SLC41A1: variants seen among roughly 807,000 people sequenced by gnomAD.
The protein encoded by SLC41A1 is solute carrier family 41 (magnesium transporter), member 1.
A neutral mutation model predicts 47.3 loss-of-function variants in SLC41A1; 20 were observed. That is an observed-to-expected ratio of 0.42 (90% CI 0.30 to 0.61). The LOEUF is 0.61. Ranked by LOEUF, SLC41A1 falls within the 20% of genes least tolerant of loss-of-function variation. The pLI is 0.17. For missense variants in SLC41A1, 504 were observed against 674.1 expected (o/e 0.75, Z 2.79); for synonymous variants, 282 against 272.7 (o/e 1.03, Z -0.34).
chr1:205,810,365 T>A lies in SLC41A1; in HGVS notation c.77A>T (p.Asp26Val), dbSNP rs757266827. Residue 26 changes from aspartate (D) to valine (V), a missense_variant, in exon 2 of 11, where the codon GAT becomes GTT. Asp to Val is a radical substitution (Grantham distance 152). Around this residue, in one of 2 missense-constraint regions of SLC41A1, gnomAD observed 83 missense variants for 72.5 expected, o/e 1.15. Coordinates refer to ENST00000367137, the MANE Select transcript of SLC41A1 (RefSeq NM_173854.6). The surrounding 1 kb of genome is among the most constrained non-coding windows in gnomAD (Gnocchi z 5.5). ...AGCCAAGGGCTCTCTCCCTGGGCCATCTGAAGAGCAGGGAGAGGCAGAAGG... is the reference window on the plus strand; with the variant it reads ...AGCCAAGGGCTCTCTCCCTGGGCCAACTGAAGAGCAGGGAGAGGCAGAAGG... Reference protein sequence around the residue: ...TGPSASPCSSDGPGREPLAGT... With the variant: ...TGPSASPCSSVGPGREPLAGT... The A allele has an allele frequency of 4.0e-5, 64 of 1,614,036 alleles. No individual in the cohort carries two copies. The highest frequency in any genetic ancestry group is 4.9e-5 in the Non-Finnish European group (58 of 1,180,032).
At chr1:205,797,593 A>G (rs961439984) in intron 7 of SLC41A1, among the ~76,000 whole-genome samples, 3 of 152,238 alleles carry the variant, frequency 2.0e-5, no homozygotes, top group African/African-American at 7.2e-5. Flanking sequence ...GGAGTAAGAA[A>G]AGCATAAACC....
At chr1:205,802,164 T>C (rs1338717523) in intron 2 of SLC41A1, among the ~76,000 whole-genome samples, 2 of 151,908 alleles carry the variant, frequency 1.3e-5, no homozygotes, top group African/African-American at 4.8e-5. Context: ...GCCAGGCGGA[T>C]ATATATGGGT....
intron 2 of SLC41A1, among the ~76,000 whole-genome samples, chr1:205,801,654 T>C (rs1655883446): frequency 6.6e-6 from 1 of 152,186 alleles, no homozygotes. Flanking sequence ...AGAGGCTTTT[T>C]ATTTCTCTGT....
chr1:205,802,728 A>ATAAAATAAAATAAAC (rs1655915563), intron 2 of SLC41A1, among the ~76,000 whole-genome samples: 1 of 146,928 alleles, frequency 6.8e-6, no homozygotes, highest in African/African-American at 2.5e-5. Context: ...CAAAAATAAA[A>ATAAAATAAAATAAAC]TAAAATAAAA....
At chr1:205,807,822 A>ATTT (rs141881589) in intron 2 of SLC41A1, among the ~76,000 whole-genome samples, 1 of 139,252 alleles carries the variant, frequency 7.2e-6, no homozygotes. Context: ...ATGCCTGACT[A>ATTT]TTTTTTTTTT....
chr1:205,809,876 C>A (rs1184711687), intron 2 of SLC41A1, among the ~76,000 whole-genome samples, 194 bp downstream of exon 2: 1 of 152,190 alleles, frequency 6.6e-6, no homozygotes, highest in Non-Finnish European at 1.5e-5. Context: ...CTCCCCAGGG[C>A]TACTCGGTTT....
intron 2 of SLC41A1, among the ~76,000 whole-genome samples, chr1:205,808,579 C>CAGGAA (rs1487973055): frequency 9.9e-5 from 15 of 152,180 alleles, no homozygotes; most frequent in South Asian, 2.1e-4. Context: ...ACTGAGGCCA[C>CAGGAA]AGGAAAGGAA....
In SLC41A1 at chr1:205,791,974, A is replaced by G. The variant is rs1177765885; in HGVS notation, c.1357-256T>C. On this transcript the variant is annotated intron_variant, in intron 10 of 10. Transcript: ENST00000367137. This position sits in a 1 kb window ranked among gnomAD's most constrained non-coding sequence, Gnocchi z 4.0. ...ACGACCCAGGGTCACCCACATCAGC[A>G]TTATATTCTGCTCCCAAGTTTACCA... Among the ~76,000 whole-genome samples, 1 of 152,240 alleles carries G rather than the reference A, an allele frequency of 6.6e-6. No homozygotes were observed. The highest frequency in any genetic ancestry group is 6.5e-5 in the Admixed American group (1 of 15,282).
chr1:205,797,906 G>A lies in SLC41A1; in HGVS notation c.990C>T (p.Ser330=). ...GGATACTCAGGGCCCCAGCCTACCT[G>A]CTGATGGCCATGGCAATGATAACAG... The part of the protein sequence containing the change: ...WEPVIIAMAI[S]SVGGLILDKT... The change falls in exon 7 of 11, where the codon AGC becomes AGT. Residue 330 remains serine, a splice_region_variant and synonymous_variant. Transcript: ENST00000367137. 1 of 1,614,128 alleles carries A rather than the reference G, an allele frequency of 6.2e-7. No homozygotes were observed. Among genetic ancestry groups the A allele is most frequent in the African/African-American group, 1.3e-5 (1 of 75,034 alleles).
At position 205,810,160 on chromosome 1, in the gene SLC41A1, G is replaced by C. The variant is rs375316864; in HGVS notation, c.282C>G (p.Thr94=). 1.5e-5 allele frequency: 25 copies of C among 1,614,114 alleles called. No individual in the cohort carries two copies. In the South Asian group the frequency reaches 1.6e-4, roughly 11 times the overall value. The change falls in exon 2 of 11, where the codon ACC becomes ACG. Residue 94 remains threonine, a synonymous_variant. Coordinates refer to ENST00000367137, the MANE Select transcript of SLC41A1 (RefSeq NM_173854.6). The surrounding 1 kb of genome is among the most constrained non-coding windows in gnomAD (Gnocchi z 5.5). ...GPAPPSPLKE[T]SFSIGLQVLF... ...GTACTTGCAGCCCGATGGAAAAGGA[G>C]GTCTCCTTGAGCGGGGAAGGTGGCG... is the stretch of plus-strand genomic sequence containing the variant.
chr1:205,799,174 G>C, intron 4 of SLC41A1, 73 bp from the exon 5 acceptor site: 1 of 1,599,502 alleles, frequency 6.3e-7, no homozygotes. Context: ...TAAGCATCTG[G>C]GCAGACCTCT....
At position 205,810,098 on chromosome 1, in the gene SLC41A1, G is replaced by A. The variant is rs761845326; in HGVS notation, c.344C>T (p.Ala115Val). Residue 115 changes from alanine to valine, a missense_variant, in exon 2 of 11, where the codon GCT (alanine) becomes GTT (valine). Ala to Val is a moderately conservative substitution (Grantham distance 64). Around this residue, in one of 2 missense-constraint regions of SLC41A1, gnomAD observed 421 missense variants for 601.6 expected, o/e 0.70. Coordinates refer to ENST00000367137, the MANE Select transcript of SLC41A1 (RefSeq NM_173854.6). This position sits in a 1 kb window ranked among gnomAD's most constrained non-coding sequence, Gnocchi z 5.5. ...PFLLAGFGTV[A>V]AGMVLDIVQH... ...CACGATGTCCAACACCATGCCAGCA[G>A]CCACGGTCCCAAAGCCTGCCAGGAG... 1 of 1,614,184 alleles carries A rather than the reference G, an allele frequency of 6.2e-7. No homozygotes were observed. Among genetic ancestry groups the A allele is most frequent in the Non-Finnish European group, 8.5e-7 (1 of 1,180,008 alleles).
intron 4 of SLC41A1, among the ~76,000 whole-genome samples, chr1:205,799,444 C>T (rs1655820637): frequency 6.6e-6 from 1 of 152,150 alleles, no homozygotes; most frequent in South Asian, 2.1e-4. Context: ...CCTGTGTGGT[C>T]TCATGGGGAG....
rs144301821 is a variant in SLC41A1 at position 205,810,984 on chromosome 1, T to C, written c.-543A>G. Reference sequence around the variant, plus strand: ...GCTCTGCTGGTCCCAGCGCAGCGTCTGCCGTCTTTCCCTTCTCTTCCAGAA... The same window carrying C: ...GCTCTGCTGGTCCCAGCGCAGCGTCCGCCGTCTTTCCCTTCTCTTCCAGAA... On this transcript the variant is annotated 5_prime_UTR_variant, in exon 2 of 11. Transcript: ENST00000367137. This position sits in a 1 kb window ranked among gnomAD's most constrained non-coding sequence, Gnocchi z 5.5. 68 of 161,682 alleles carry C rather than the reference T, an allele frequency of 4.2e-4. 1 individual carries two copies. The South Asian group carries it at 0.01, about 24-fold the overall frequency. The allele number at this position is 161,682 out of a possible 1,614,324, so 10.0% of individuals were successfully genotyped here. A position where few individuals can be genotyped will look rare whatever the true frequency, so the allele number is the denominator to read the frequency against.
rs535334999 is a variant in SLC41A1 at position 205,792,186 on chromosome 1, AT to A, written c.1357-469del. 1.1e-3 allele frequency among the ~76,000 whole-genome samples: 171 copies of A among 152,284 alleles called. 1 individual carries two copies. Among genetic ancestry groups the A allele is most frequent in the African/African-American group, 3.9e-3 (160 of 41,550 alleles). Reference sequence around the variant, plus strand: ...GGATGTCTTCTCTCGGCAGAGTGGTATAAGGATAGTGTTTGAAGCTGCTGCT... The same window carrying A: ...GGATGTCTTCTCTCGGCAGAGTGGTAAAGGATAGTGTTTGAAGCTGCTGCT... On this transcript the variant is annotated intron_variant, in intron 10 of 10. Transcript: ENST00000367137.
intron 8 of SLC41A1, chr1:205,796,697 G>A: frequency 1.7e-6 from 1 of 596,566 alleles, no homozygotes; most frequent in Non-Finnish European, 3.0e-6. Flanking sequence ...TAGGAGTAGA[G>A]GCTTCCCATT....
Position 205,810,159 on chromosome 1 carries a change from A to G in SLC41A1, c.283T>C (p.Ser95Pro). 1 of 1,614,222 alleles carries G rather than the reference A, an allele frequency of 6.2e-7. No individual in the cohort carries two copies. Among genetic ancestry groups the G allele is most frequent in the Non-Finnish European group, 8.5e-7 (1 of 1,180,038 alleles). The change falls in exon 2 of 11, where the codon TCC becomes CCC. Residue 95 changes from serine to proline, a missense_variant. Ser to Pro is a moderately conservative substitution (Grantham distance 74, BLOSUM62 -1). Around this residue, in one of 2 missense-constraint regions of SLC41A1, gnomAD observed 421 missense variants for 601.6 expected, o/e 0.70. Coordinates refer to ENST00000367137, the MANE Select transcript of SLC41A1 (RefSeq NM_173854.6). This position sits in a 1 kb window ranked among gnomAD's most constrained non-coding sequence, Gnocchi z 5.5. ...PAPPSPLKET[S>P]FSIGLQVLFP... The stretch of plus-strand genomic sequence containing the variant: ...AGTACTTGCAGCCCGATGGAAAAGG[A>G]GGTCTCCTTGAGCGGGGAAGGTGGC...
chr1:205,805,756 T>A (rs1656001750), intron 2 of SLC41A1, among the ~76,000 whole-genome samples: 1 of 152,118 alleles, frequency 6.6e-6, no homozygotes, highest in Non-Finnish European at 1.5e-5. Flanking sequence ...GGCACAGCAA[T>A]CACCTTAAGT....
At position 205,794,961 on chromosome 1, in the gene SLC41A1, A is replaced by C; in HGVS notation, c.1265T>G (p.Val422Gly). The C allele has an allele frequency of 6.2e-7, 1 of 1,614,058 alleles. No homozygotes were observed. The highest frequency in any genetic ancestry group is 1.1e-5 in the South Asian group (1 of 91,082). Residue 422 changes from valine to glycine, a missense_variant, in exon 10 of 11, where the codon GTG becomes GGG. Physicochemically the swap from Val to Gly is moderately radical, Grantham distance 109 (BLOSUM62 -3). This residue lies in a region of SLC41A1 where 421 missense variants were observed against 601.6 expected (regional missense o/e 0.70). Transcript: ENST00000367137. Reference sequence around the variant, plus strand: ...CATACAGCTGATGGTGTAGAGGAACACCAGGTGTCCTGGGACCACGAGGAG... The same window carrying C: ...CATACAGCTGATGGTGTAGAGGAACCCCAGGTGTCCTGGGACCACGAGGAG... The part of the protein sequence containing the change: ...LFLLVVPGHL[V>G]FLYTISCMQG...
Sources: gnomAD v4.1 joint callset for allele counts (sites outside exome capture counted in the v4.1 genomes callset) on GRCh38, gnomAD v4.1.1 for gene constraint, gnomAD v4.1.1 regional missense constraint, Gnocchi (gnomAD v3.1) non-coding constraint, MANE v1.5 for transcripts, NCBI Gene and HGNC (gene_info 2026-07-23, HGNC 2026-07-21) for gene names.